CEP131: variants seen among roughly 807,000 people sequenced by gnomAD.
CEP131 encodes centrosomal protein 131.
Under a neutral mutation model 136.8 loss-of-function variants are expected in CEP131, and 99 were observed. That is an observed-to-expected ratio of 0.72 (90% confidence interval 0.62 to 0.86). The LOEUF (loss-of-function observed/expected upper bound fraction) is 0.86, where lower values mean the gene tolerates loss of function less well. Ranked by LOEUF, CEP131 falls within the 40% of genes least tolerant of loss-of-function variation. The pLI, the probability that CEP131 is intolerant of heterozygous loss-of-function variation, is 0.00. For synonymous variants in CEP131, 646 were observed against 612.7 expected (o/e 1.05, Z -0.80); for missense variants, 1,459 against 1,463.0 (o/e 1.00, Z 0.04).
intron 16 of CEP131, among the ~76,000 whole-genome samples, chr17:81,195,401 G>A (rs1007335646): frequency 6.6e-6 from 1 of 152,248 alleles, no homozygotes; most frequent in African/African-American, 2.4e-5. Context: ...TGCCCAAGCT[G>A]GTGGGAAGCA....
At chr17:81,197,255 G>T in intron 13 of CEP131, 200 bp from the exon 14 acceptor site, 1 of 665,964 alleles carries the variant, frequency 1.5e-6, no homozygotes, top group South Asian at 2.1e-5. Flanking sequence ...GGGGGCCGTG[G>T]CCTCAGGAAT....
rs774279518 is a variant in CEP131, at chr17:81,197,703, AG to A, written c.1647+8del. The stretch of plus-strand genomic sequence containing the variant: ...ACTGGGGGCCGGGTGCGGGCTGGTG[AG>A]GGGCCACCTCCTGCTGGGAGTCCAG... On this transcript the variant is annotated splice_region_variant and intron_variant, in intron 13 of 25. Coordinates refer to ENST00000450824, the MANE Select transcript of CEP131 (RefSeq NM_014984.4). 6.2e-7 allele frequency: 1 copy of A among 1,604,856 alleles called. No homozygotes were observed. The highest frequency in any genetic ancestry group is 2.2e-5 in the East Asian group (1 of 44,678).
chr17:81,193,596 G>A (rs1395964646), intron 18 of CEP131, among the ~76,000 whole-genome samples: 2 of 152,228 alleles, frequency 1.3e-5, no homozygotes, highest in African/African-American at 2.4e-5. Flanking sequence ...CCTCGAGGCC[G>A]CCTATCCACG....
chr17:81,222,534 T>C (rs1487672916), intron 1 of CEP131, among the ~76,000 whole-genome samples: 1 of 152,188 alleles, frequency 6.6e-6, no homozygotes, highest in Non-Finnish European at 1.5e-5. Context: ...GGCACGAGCC[T>C]GTCTTCACCT....
Position 81,207,210 on chromosome 17 carries a change from A to G in CEP131, c.302T>C (p.Leu101Pro), listed in dbSNP as rs1454601018. ...TTTCCCACTGGGGCTGCCCTCGAAG[A>G]GCATCAGGAAGTCTGTGGGCTCCGT... ...RPTEPTDFLM[L>P]FEGSPSGKKR... The change falls in exon 4 of 26, where the codon CTC (leucine) becomes CCC (proline). Residue 101 changes from leucine to proline, a missense_variant. Coordinates refer to ENST00000450824, the MANE Select transcript of CEP131 (RefSeq NM_014984.4). 1 of 1,613,446 alleles carries G rather than the reference A, an allele frequency of 6.2e-7. No individual in the cohort carries two copies.
chr17:81,206,792 C>T lies in CEP131; in HGVS notation c.467G>A (p.Arg156Lys). 2 of 1,614,160 alleles carry T rather than the reference C, an allele frequency of 1.2e-6. No individual in the cohort carries two copies. The highest frequency in any genetic ancestry group is 1.1e-5 in the South Asian group (1 of 91,080). The change falls in exon 5 of 26, where the codon AGG becomes AAG. Residue 156 changes from arginine to lysine, a missense_variant. Physicochemically the swap from Arg to Lys is conservative, Grantham distance 26. Around this residue, in one of 3 missense-constraint regions of CEP131, gnomAD observed 246 missense variants for 318.9 expected, o/e 0.77. Coordinates refer to ENST00000450824, the MANE Select transcript of CEP131 (RefSeq NM_014984.4). Reference sequence around the variant, plus strand: ...GGCCAGGGCCACGGTGCATTCTTTCCTCCGCGGGCCCGCTGGTGAGTCAAG... The same window carrying T: ...GGCCAGGGCCACGGTGCATTCTTTCTTCCGCGGGCCCGCTGGTGAGTCAAG... ...SALDSPAGPRRKECTVALAPN... is the reference protein window; with the variant it reads ...SALDSPAGPRKKECTVALAPN...
intron 2 of CEP131, among the ~76,000 whole-genome samples, chr17:81,210,623 G>T (rs2062111484): frequency 6.6e-6 from 1 of 152,046 alleles, no homozygotes; most frequent in African/African-American, 2.4e-5. Context: ...AGGGCTCACA[G>T]TCCAGTGGGA....
At chr17:81,196,623 A>G in intron 15 of CEP131, 78 bp downstream of exon 15, 2 of 1,520,644 alleles carry the variant, frequency 1.3e-6, no homozygotes, top group Non-Finnish European at 1.8e-6. Flanking sequence ...GCTCCCTGGC[A>G]GTGGGAAGCC....
chr17:81,217,152 T>G (rs2062265384), intron 2 of CEP131, among the ~76,000 whole-genome samples: 1 of 150,314 alleles, frequency 6.7e-6, no homozygotes, highest in East Asian at 2.0e-4. Flanking sequence ...GGAACCAGAG[T>G]GAATAATGAT....
chr17:81,199,685 C>T (rs866529118), intron 9 of CEP131, 34 bp downstream of exon 9: 43 of 1,603,226 alleles, frequency 2.7e-5, no homozygotes, highest in Non-Finnish European at 3.2e-5. Flanking sequence ...GCCTGGGCCA[C>T]GGTGCTGCTC....
chr17:81,198,881 G>A lies in CEP131; in HGVS notation c.1283C>T (p.Thr428Met), dbSNP rs148229021. 8.2e-6 allele frequency: 13 copies of A among 1,584,098 alleles called. No homozygotes were observed. Among genetic ancestry groups the A allele is most frequent in the East Asian group, 2.3e-5 (1 of 43,566 alleles). Residue 428 changes from threonine to methionine, a missense_variant, in exon 11 of 26, where the codon ACG becomes ATG. Thr to Met is a moderately conservative substitution (Grantham distance 81). Coordinates refer to ENST00000450824, the MANE Select transcript of CEP131 (RefSeq NM_014984.4). ...GAAGGACAGCTGTGCTCAGACCTGC[G>A]TCCTGTCCTCTGGAGGCTGCTGTGG... ...PEPQQPPEDR[T>M]QDVLAQDAAG...
chr17:81,209,230 C>T (rs2062081345), intron 2 of CEP131, among the ~76,000 whole-genome samples: 1 of 152,158 alleles, frequency 6.6e-6, no homozygotes, highest in South Asian at 2.1e-4. Context: ...CAGGCCCGAC[C>T]TCTAAGAGCT....
rs61741530 is a variant in CEP131, at chr17:81,200,381, C to G, written c.854G>C (p.Arg285Pro). Reference protein sequence around the residue: ...IQRWYRHQVQRRGAGAARLEH... With the variant: ...IQRWYRHQVQPRGAGAARLEH... ...CAGGCGGGCAGCTCCTGCTCCGCGC[C>G]GCTGCACCTGGTGCCGGTACCAGCG... The change falls in exon 8 of 26, where the codon CGG (arginine) becomes CCG (proline). Residue 285 changes from arginine to proline, a missense_variant. Around this residue, in one of 3 missense-constraint regions of CEP131, gnomAD observed 246 missense variants for 318.9 expected, o/e 0.77. Coordinates refer to ENST00000450824, the MANE Select transcript of CEP131 (RefSeq NM_014984.4). 7.6e-6 allele frequency: 12 copies of G among 1,574,444 alleles called. No individual in the cohort carries two copies. In the Middle Eastern group the frequency reaches 5.0e-4, roughly 66 times the overall value.
At chr17:81,207,767 G>A (rs111950200) in intron 3 of CEP131, among the ~76,000 whole-genome samples, 1 of 151,630 alleles carries the variant, frequency 6.6e-6, no homozygotes, top group South Asian at 2.1e-4. Context: ...GAAGGCATGG[G>A]CTGGTGGCCA....
chr17:81,218,579 G>T (rs966694661), intron 2 of CEP131, among the ~76,000 whole-genome samples: 2 of 152,248 alleles, frequency 1.3e-5, no homozygotes, highest in Non-Finnish European at 2.9e-5. Context: ...GCCTAGAGGC[G>T]TACCACATCT....
At chr17:81,217,758 G>A (rs1029367495) in intron 2 of CEP131, among the ~76,000 whole-genome samples, 18 of 151,298 alleles carry the variant, frequency 1.2e-4, no homozygotes, top group African/African-American at 4.4e-4. Context: ...TCAACACTGC[G>A]GGAGCGGGCA....
At chr17:81,202,506 G>A (rs1469955422) in intron 6 of CEP131, 108 bp from the exon 7 acceptor site, 6 of 1,355,356 alleles carry the variant, frequency 4.4e-6, no homozygotes, top group Non-Finnish European at 6.0e-6. Flanking sequence ...CCTGGAAGTG[G>A]TGCTGGCAGG....
At chr17:81,210,122 G>GAAGTGGCGCTCGGGA (rs377684137) in intron 2 of CEP131, among the ~76,000 whole-genome samples, 4,392 of 149,378 alleles carry the variant, frequency 0.029, 279 homozygotes, top group African/African-American at 0.1. Context: ...AGCGCTTGGG[G>GAAGTGGCGCTCGGGA]AAGTGGCGCT....
chr17:81,197,090 A>AGAGGACGGGGGGCAGCC, intron 13 of CEP131, 35 bp from the exon 14 acceptor site: 9 of 1,566,674 alleles, frequency 5.7e-6, no homozygotes, highest in Non-Finnish European at 6.9e-6. Context: ...CGGAAGCGGC[A>AGAGGACGGGGGGCAGCC]GAGGACGGGG....
Sources: allele counts gnomAD v4.1 joint callset (sites outside exome capture counted in the v4.1 genomes callset), GRCh38; gene constraint gnomAD v4.1.1; regional missense constraint gnomAD v4.1.1; transcripts MANE v1.5; gene names NCBI Gene and HGNC (gene_info 2026-07-23, HGNC 2026-07-21).